The following SIPA1L1 variants were observed in gnomAD, a reference collection of about 807,000 sequenced individuals.
The protein encoded by SIPA1L1 is signal induced proliferation associated 1 like 1, also known as signal-induced proliferation-associated 1-like protein 1.
In SIPA1L1, 26 loss-of-function variants were observed where a neutral mutation model predicts 162.7. That is an observed-to-expected ratio of 0.16 (90% CI 0.12 to 0.22). The LOEUF is 0.22. SIPA1L1 is among the 10% of genes least tolerant of loss of function. SIPA1L1 has a pLI of 1.00. For synonymous variants in SIPA1L1, 829 were observed against 837.4 expected (o/e 0.99, Z 0.17); for missense variants, 1,874 against 2,241.0 (o/e 0.84, Z 3.31).
intron 2 of SIPA1L1, among the ~76,000 whole-genome samples, chr14:71,371,351 C>T (rs1048346338): frequency 6.6e-6 from 1 of 152,096 alleles, no homozygotes; most frequent in Non-Finnish European, 1.5e-5. Flanking sequence ...TCTGTCTCTA[C>T]TGATGAAAGT....
At position 71,422,701 on chromosome 14, in the gene SIPA1L1, A is replaced by G. The variant is rs187080395; in HGVS notation, c.-464-90042A>G. Among the ~76,000 whole-genome samples, 4 of 152,350 alleles carry G rather than the reference A, an allele frequency of 2.6e-5. No individual in the cohort carries two copies. In the East Asian group the frequency reaches 5.8e-4, roughly 22 times the overall value. On this transcript the variant is annotated intron_variant, in intron 2 of 23. Transcript: ENST00000381232. Reference sequence around the variant, plus strand: ...GAATAATATTCTGTTGTATGTGTATACCACATTTTGCTTATCCATTCATCC... The same window carrying G: ...GAATAATATTCTGTTGTATGTGTATGCCACATTTTGCTTATCCATTCATCC...
chr14:71,694,431 G>T, intron 13 of SIPA1L1, among the ~76,000 whole-genome samples: 1 of 152,054 alleles, frequency 6.6e-6, no homozygotes, highest in Non-Finnish European at 1.5e-5. Context: ...AAAAGACTGT[G>T]GAAGTAATGT....
intron 3 of SIPA1L1, among the ~76,000 whole-genome samples, chr14:71,525,598 G>A (rs536887398): frequency 2.6e-5 from 4 of 152,302 alleles, no homozygotes; most frequent in South Asian, 2.1e-4. Flanking sequence ...GTGAAAACAT[G>A]TCAGCTTTGA....
intron 15 of SIPA1L1, chr14:71,704,906 T>C (rs2149894214): frequency 1.4e-6 from 1 of 710,174 alleles, no homozygotes. Context: ...ATTTAATTCA[T>C]ATAATCTAAA....
intron 2 of SIPA1L1, among the ~76,000 whole-genome samples, chr14:71,372,034 A>G (rs1163178888): frequency 6.6e-6 from 1 of 152,172 alleles, no homozygotes; most frequent in East Asian, 1.9e-4. Context: ...TGAACCCTTT[A>G]TTTTATTAAG....
chr14:71,676,674 G>T (rs1419881433), intron 12 of SIPA1L1, among the ~76,000 whole-genome samples: 1 of 129,710 alleles, frequency 7.7e-6, no homozygotes, highest in Non-Finnish European at 1.5e-5. Flanking sequence ...CCCTTCCTGT[G>T]TCCAAGTGTT....
intron 5 of SIPA1L1, chr14:71,598,104 T>TTGCA (rs577603402): frequency 2.4e-4 from 126 of 518,122 alleles, no homozygotes; most frequent in African/African-American, 2.2e-3. Flanking sequence ...GAATAATATG[T>TTGCA]TGCAGTTCCT....
intron 14 of SIPA1L1, among the ~76,000 whole-genome samples, chr14:71,701,591 T>G (rs1411013326): frequency 6.6e-6 from 1 of 152,220 alleles, no homozygotes; most frequent in Non-Finnish European, 1.5e-5. Context: ...AATTTCCATA[T>G]GAATGTTTAA....
chr14:71,502,844 C>T lies in SIPA1L1; in HGVS notation c.-464-9899C>T, dbSNP rs1012021605. On this transcript the variant is annotated intron_variant, in intron 2 of 23. Transcript: ENST00000381232. ...TCTTTATGTTTCTTTCCCTGTTATA[C>T]TCTGATTTTCTTAAGGACAGGAGCT... 3.3e-5 allele frequency among the ~76,000 whole-genome samples: 5 copies of T among 152,136 alleles called. No individual in the cohort carries two copies. The East Asian group carries it at 9.6e-4, about 29-fold the overall frequency.
At chr14:71,684,865 A>G (rs1250946726) in intron 12 of SIPA1L1, among the ~76,000 whole-genome samples, 2 of 132,896 alleles carry the variant, frequency 1.5e-5, no homozygotes, top group South Asian at 2.6e-4. Context: ...ATGGTGTACA[A>G]TGGCAGGTGT....
chr14:71,510,388 A>T (rs553933977), intron 2 of SIPA1L1, among the ~76,000 whole-genome samples: 3 of 151,816 alleles, frequency 2.0e-5, no homozygotes, highest in African/African-American at 7.2e-5. Flanking sequence ...GGGTTTCATT[A>T]TGTTGGCTGG....
At chr14:71,378,979 G>A (rs1341767431) in intron 2 of SIPA1L1, among the ~76,000 whole-genome samples, 2 of 152,100 alleles carry the variant, frequency 1.3e-5, no homozygotes, top group African/African-American at 4.8e-5. Flanking sequence ...CATTTCAATG[G>A]TAGTCCCCTT....
chr14:71,328,082 G>A (rs1344738410), intron 2 of SIPA1L1, among the ~76,000 whole-genome samples: 1 of 152,222 alleles, frequency 6.6e-6, no homozygotes, highest in Admixed American at 6.5e-5. Flanking sequence ...TCTTAATGAT[G>A]AGTCTCAGTA....
At chr14:71,414,415 A>C (rs545563672) in intron 2 of SIPA1L1, among the ~76,000 whole-genome samples, 4 of 151,834 alleles carry the variant, frequency 2.6e-5, no homozygotes, top group Non-Finnish European at 5.9e-5. Context: ...AAAACAAAAA[A>C]CCCTGCTCTT....
rs2097887 is a variant in SIPA1L1, at chr14:71,735,268, C to A, written c.5009-9C>A. 612,344 of 1,594,802 alleles carry A rather than the reference C, an allele frequency of 0.38. 121,548 individuals are homozygous for A. The highest frequency in any genetic ancestry group is 0.58 in the Admixed American group (34,749 of 59,958). ...CAAAATACTAAATGGTTTCTTCTCT[C>A]CTTTCCAGTCCAGAGAGCCTCATTT... On this transcript the variant is annotated splice_polypyrimidine_tract_variant and intron_variant, in intron 21 of 23. Transcript: ENST00000381232.
chr14:71,460,386 A>G (rs2046503974), intron 2 of SIPA1L1, among the ~76,000 whole-genome samples: 1 of 152,192 alleles, frequency 6.6e-6, no homozygotes. Context: ...GATCTTAATC[A>G]CAGGGCATAG....
intron 20 of SIPA1L1, 125 bp downstream of exon 20, chr14:71,730,426 C>T (rs1246719570): frequency 1.8e-6 from 2 of 1,082,354 alleles, no homozygotes; most frequent in African/African-American, 1.6e-5. Flanking sequence ...CTCAGCTCAC[C>T]CGCCCCTTCC....
At chr14:71,375,485 AGTT>A (rs2039291191) in intron 2 of SIPA1L1, among the ~76,000 whole-genome samples, 1 of 152,050 alleles carries the variant, frequency 6.6e-6, no homozygotes, top group Non-Finnish European at 1.5e-5. Context: ...ATAATAGTGT[AGTT>A]GTTTTTTAGA....
chr14:71,404,628 G>A (rs546232622), intron 2 of SIPA1L1, among the ~76,000 whole-genome samples: 6 of 152,280 alleles, frequency 3.9e-5, no homozygotes, highest in South Asian at 2.1e-4. Flanking sequence ...CATTTTTATT[G>A]TAAGTTTCAG....
Sources: gnomAD v4.1 joint callset for allele counts (sites outside exome capture counted in the v4.1 genomes callset) on GRCh38, gnomAD v4.1.1 for gene constraint, MANE v1.5 for transcripts, NCBI Gene and HGNC (gene_info 2026-07-23, HGNC 2026-07-21) for gene names.